The following COPG2 variants were observed in gnomAD, a reference collection of about 807,000 sequenced individuals.
The protein encoded by COPG2 is coat protein complex I subunit gamma 2.
In COPG2, 37 loss-of-function variants were observed where a neutral mutation model predicts 46.3. The observed-to-expected ratio is 0.80, with a 90% CI of 0.61 to 1.05. COPG2 has a LOEUF of 1.05. COPG2 is among the 50% of genes least tolerant of loss of function. The pLI is 0.00. For missense variants in COPG2, 427 were observed against 387.8 expected, an observed-to-expected ratio of 1.10 and a Z score of -0.85; for synonymous variants, 159 against 129.7, an observed-to-expected ratio of 1.23 and a Z score of -1.53.
intron 5 of COPG2, among the ~76,000 whole-genome samples, chr7:130,650,546 CATTT>C (rs1795715708): frequency 6.6e-6 from 1 of 152,082 alleles, no homozygotes; most frequent in East Asian, 1.9e-4. Flanking sequence ...TTTTTTTGTT[CATTT>C]GTTTGTTTTT....
chr7:130,516,508 G>C (rs1235901834), intron 20 of COPG2, among the ~76,000 whole-genome samples: 2 of 152,212 alleles, frequency 1.3e-5, no homozygotes, highest in African/African-American at 4.8e-5. Flanking sequence ...CCAAAAGTGA[G>C]AGAAGCAACT....
At chr7:130,539,212 CA>C (rs1799912391) in intron 20 of COPG2, among the ~76,000 whole-genome samples, 1 of 151,990 alleles carries the variant, frequency 6.6e-6, no homozygotes, top group Non-Finnish European at 1.5e-5. Context: ...GTGTGATGGG[CA>C]GGGGTGCATG....
chr7:130,629,908 C>A (rs550543967), intron 5 of COPG2, among the ~76,000 whole-genome samples: 1 of 150,356 alleles, frequency 6.7e-6, no homozygotes, highest in Non-Finnish European at 1.5e-5. Context: ...CATTTTGTTT[C>A]TTTCTTTCCT....
intron 9 of COPG2, among the ~76,000 whole-genome samples, chr7:130,588,595 A>G (rs1179919661): frequency 6.6e-6 from 1 of 152,174 alleles, no homozygotes; most frequent in Non-Finnish European, 1.5e-5. Context: ...GAATTGAACA[A>G]TGAGAACACA....
chr7:130,579,359 G>T (rs1336230915), intron 9 of COPG2, among the ~76,000 whole-genome samples: 1 of 149,580 alleles, frequency 6.7e-6, no homozygotes, highest in African/African-American at 2.5e-5. Context: ...CGCTAAACAT[G>T]GAAAGGAACA....
At chr7:130,633,389 C>T (rs1312292255) in intron 5 of COPG2, among the ~76,000 whole-genome samples, 2 of 152,198 alleles carry the variant, frequency 1.3e-5, no homozygotes, top group East Asian at 3.9e-4. Flanking sequence ...TATTTCTCCA[C>T]ATCCTCTCCA....
In COPG2 at chr7:130,508,650, G is replaced by C. The variant is rs566351884; in HGVS notation, c.2159C>G (p.Ser720Cys). The change falls in exon 21 of 24, where the codon TCC becomes TGC. Residue 720 changes from serine (S) to cysteine (C), a missense_variant. Transcript: ENST00000425248. ...TGTAAACTTCATGGTGCAGCTAAAGGAGCCTGCAACTGGAGGAGAAGGGAG... is the reference window on the plus strand; with the variant it reads ...TGTAAACTTCATGGTGCAGCTAAAGCAGCCTGCAACTGGAGGAGAAGGGAG... ...PDDDPTAVAG[S>C]FSCTMKFTVR... 3.9e-6 allele frequency: 3 copies of C among 766,796 alleles called. No individual in the cohort carries two copies. The highest frequency in any genetic ancestry group is 7.3e-6 in the Non-Finnish European group (3 of 411,576). 47.5% of individuals were successfully genotyped at this position (766,796 alleles called of 1,614,324 possible). A position where few individuals can be genotyped will look rare whatever the true frequency, so the allele number is the denominator to read the frequency against.
chr7:130,612,467 A>G (rs1055991524), intron 7 of COPG2, among the ~76,000 whole-genome samples: 1 of 152,178 alleles, frequency 6.6e-6, no homozygotes, highest in Non-Finnish European at 1.5e-5. Flanking sequence ...AGAGGTGTGT[A>G]AAAGGAAGTA....
chr7:130,649,144 G>A (rs1428815822), intron 5 of COPG2, among the ~76,000 whole-genome samples: 3 of 152,174 alleles, frequency 2.0e-5, no homozygotes, highest in African/African-American at 7.2e-5. Context: ...GGGAATCTAT[G>A]AGTCACACCC....
At position 130,547,741 on chromosome 7, in the gene COPG2, G is replaced by C. The variant is rs1011113386; in HGVS notation, c.2082C>G (p.Ser694Arg). The C allele has an allele frequency of 7.5e-3, 2,981 of 398,684 alleles. 24 individuals are homozygous for C. Among genetic ancestry groups the C allele is most frequent in the Non-Finnish European group, 0.011 (2,531 of 226,142 alleles). The allele number at this position is 398,684 out of a possible 1,614,324, so 24.7% of individuals were successfully genotyped here. ...ATATTCCTGGTTGGTTATAAGGAAG[G>C]CTGGGGGCTGGGATACAAGACAGCA... ...YEVLSCIPAP[S>R]LPYNQPGICY... The change falls in exon 20 of 24, where the codon AGC becomes AGG. Residue 694 changes from serine to arginine, a missense_variant. Transcript: ENST00000425248.
At chr7:130,512,309 T>C (rs1223138971) in intron 20 of COPG2, among the ~76,000 whole-genome samples, 1 of 147,562 alleles carries the variant, frequency 6.8e-6, no homozygotes, top group East Asian at 2.0e-4. Flanking sequence ...CAAAACTCCA[T>C]CTAAAAAAAA....
intron 20 of COPG2, chr7:130,509,039 AC>A (rs1563032172): frequency 2.3e-5 from 11 of 477,642 alleles, no homozygotes; most frequent in African/African-American, 1.4e-4. Context: ...AAAAAAAAAA[AC>A]AAAAAAAAAA....
At chr7:130,540,600 GA>G (rs1799926305) in intron 20 of COPG2, among the ~76,000 whole-genome samples, 1 of 152,044 alleles carries the variant, frequency 6.6e-6, no homozygotes, top group Non-Finnish European at 1.5e-5. Flanking sequence ...GGCAAATAGG[GA>G]AGGAATGAAG....
At chr7:130,660,081 C>T (rs1584617828) in intron 4 of COPG2, among the ~76,000 whole-genome samples, 6 of 152,298 alleles carry the variant, frequency 3.9e-5, no homozygotes, top group Non-Finnish European at 1.5e-5. Context: ...ATGCTGGTAA[C>T]GGAAGGAGCT....
intron 14 of COPG2, 78 bp from the exon 15 acceptor site, chr7:130,552,508 GAA>G (rs1793548024): frequency 2.5e-6 from 1 of 397,038 alleles, no homozygotes; most frequent in Non-Finnish European, 4.4e-6. Flanking sequence ...AAAAAAATTA[GAA>G]AAGTGTCCCC....
intron 3 of COPG2, among the ~76,000 whole-genome samples, chr7:130,665,683 T>C (rs1202364009): frequency 2.0e-5 from 3 of 152,150 alleles, no homozygotes; most frequent in African/African-American, 7.2e-5. Context: ...ACTACACCAT[T>C]TGTATGAGGG....
chr7:130,652,481 G>C (rs930113802), intron 5 of COPG2, among the ~76,000 whole-genome samples: 1 of 152,058 alleles, frequency 6.6e-6, no homozygotes, highest in Non-Finnish European at 1.5e-5. Flanking sequence ...ATCTAAAGAC[G>C]TTTAGATCCT....
chr7:130,522,236 A>G, intron 20 of COPG2, among the ~76,000 whole-genome samples: 2 of 152,310 alleles, frequency 1.3e-5, no homozygotes, highest in Admixed American at 1.3e-4. Context: ...AAATCCAAAA[A>G]TGAGATGAAA....
chr7:130,640,328 T>G (rs1179219993), intron 5 of COPG2, among the ~76,000 whole-genome samples: 1 of 151,972 alleles, frequency 6.6e-6, no homozygotes, highest in African/African-American at 2.4e-5. Flanking sequence ...TGTTGCTATA[T>G]TGGTCATTCA....
Sources: gnomAD v4.1 joint callset for allele counts (sites outside exome capture counted in the v4.1 genomes callset) on GRCh38, gnomAD v4.1.1 for gene constraint, MANE v1.5 for transcripts, NCBI Gene and HGNC (gene_info 2026-07-23, HGNC 2026-07-21) for gene names.